The following KLHL1 variants were observed in gnomAD, a reference collection of about 807,000 sequenced individuals.
KLHL1 encodes kelch like family member 1.
A neutral mutation model predicts 77.7 loss-of-function variants in KLHL1; 47 were observed. The observed-to-expected ratio is 0.60, with a 90% CI of 0.48 to 0.77. KLHL1 has a LOEUF of 0.77. KLHL1 is among the 30% of genes least tolerant of loss of function. The probability of loss-of-function intolerance (pLI) is 0.00; values close to 1 mark genes in which losing one functional copy is unlikely to be tolerated. For missense variants in KLHL1, 925 were observed against 910.8 expected, an observed-to-expected ratio of 1.02 and a Z score of -0.20; for synonymous variants, 360 against 325.2, an observed-to-expected ratio of 1.11 and a Z score of -1.15.
chr13:69,927,718 C>G (rs1260288143), intron 4 of KLHL1, among the ~76,000 whole-genome samples: 1 of 152,088 alleles, frequency 6.6e-6, no homozygotes, highest in Non-Finnish European at 1.5e-5. Context: ...TTTACACATA[C>G]TAGGATGGCT....
At chr13:70,001,393 A>G (rs1437625838) in intron 1 of KLHL1, among the ~76,000 whole-genome samples, 1 of 151,264 alleles carries the variant, frequency 6.6e-6, no homozygotes, top group Admixed American at 6.6e-5. Context: ...TTTCCACCTC[A>G]TTATGAGCCT....
At chr13:69,751,767 G>T (rs1044553227) in intron 7 of KLHL1, among the ~76,000 whole-genome samples, 21 of 152,096 alleles carry the variant, frequency 1.4e-4, no homozygotes, top group Non-Finnish European at 2.9e-4. Flanking sequence ...TTCAAAAAAT[G>T]TCACACTGGC....
intron 5 of KLHL1, among the ~76,000 whole-genome samples, chr13:69,880,551 A>G (rs1880949316): frequency 6.6e-6 from 1 of 152,186 alleles, no homozygotes. Context: ...TACTTCACTA[A>G]GCAAGATAAA....
intron 6 of KLHL1, among the ~76,000 whole-genome samples, chr13:69,826,838 G>A (rs1217518211): frequency 1.3e-5 from 2 of 151,010 alleles, no homozygotes; most frequent in African/African-American, 2.5e-5. Flanking sequence ...TTTTATAAAC[G>A]AGTGTTTAGG....
intron 2 of KLHL1, 36 bp from the exon 3 acceptor site, chr13:69,961,480 TG>T (rs1884063833): frequency 6.2e-7 from 1 of 1,610,188 alleles, no homozygotes; most frequent in East Asian, 2.2e-5. Context: ...AGGTCGTGAA[TG>T]TAAGGCAGAA....
At chr13:69,767,254 C>CA (rs1387670671) in intron 7 of KLHL1, among the ~76,000 whole-genome samples, 5 of 151,476 alleles carry the variant, frequency 3.3e-5, no homozygotes, top group Admixed American at 6.6e-5. Flanking sequence ...TGTAAAAATT[C>CA]AAAAAAAATT....
chr13:70,072,751 T>C (rs1887165672), intron 1 of KLHL1, among the ~76,000 whole-genome samples: 1 of 152,078 alleles, frequency 6.6e-6, no homozygotes. Context: ...CATCTATTTA[T>C]GATAAAAGTG....
At chr13:69,713,468 G>T (rs1216385599) in intron 9 of KLHL1, among the ~76,000 whole-genome samples, 1 of 151,986 alleles carries the variant, frequency 6.6e-6, no homozygotes, top group Non-Finnish European at 1.5e-5. Context: ...AGTTTGGTGA[G>T]CATTTTTTAT....
At chr13:69,984,223 G>C (rs1164786857) in intron 1 of KLHL1, among the ~76,000 whole-genome samples, 1 of 152,066 alleles carries the variant, frequency 6.6e-6, no homozygotes, top group Non-Finnish European at 1.5e-5. Flanking sequence ...TCCTTGGTAA[G>C]GTTTCTCTTT....
At chr13:69,935,875 A>G (rs532032653) in intron 4 of KLHL1, among the ~76,000 whole-genome samples, 18 of 152,330 alleles carry the variant, frequency 1.2e-4, no homozygotes, top group African/African-American at 4.1e-4. Flanking sequence ...AATGTATTAC[A>G]AGATACTAGA....
chr13:69,927,862 G>A (rs2138276158), intron 4 of KLHL1, among the ~76,000 whole-genome samples: 1 of 152,238 alleles, frequency 6.6e-6, no homozygotes, highest in African/African-American at 2.4e-5. Flanking sequence ...TGGAGTTATT[G>A]TATAACCATA....
chr13:69,939,340 C>CAT (rs34074889), intron 4 of KLHL1, among the ~76,000 whole-genome samples: 2,608 of 60,530 alleles, frequency 0.043, 93 homozygotes, highest in East Asian at 0.12. Flanking sequence ...CATATACATA[C>CAT]ATATATATAT....
At chr13:69,998,826 G>T (rs1885218673) in intron 1 of KLHL1, among the ~76,000 whole-genome samples, 1 of 152,004 alleles carries the variant, frequency 6.6e-6, no homozygotes, top group Non-Finnish European at 1.5e-5. Flanking sequence ...AACTGCAAAA[G>T]AGTATGCACC....
chr13:70,090,540 C>T (rs1182939531), intron 1 of KLHL1, among the ~76,000 whole-genome samples: 2 of 151,754 alleles, frequency 1.3e-5, no homozygotes, highest in African/African-American at 4.8e-5. Context: ...TGCTCTTTCT[C>T]TTGCTTTCTT....
intron 4 of KLHL1, among the ~76,000 whole-genome samples, chr13:69,931,350 C>T (rs1039981847): frequency 1.3e-5 from 2 of 151,702 alleles, no homozygotes; most frequent in South Asian, 2.1e-4. Flanking sequence ...ACCTATTTTG[C>T]TAATTGTAAA....
At chr13:70,004,773 C>A (rs1012345895) in intron 1 of KLHL1, among the ~76,000 whole-genome samples, 19 of 151,774 alleles carry the variant, frequency 1.3e-4, no homozygotes, top group African/African-American at 4.6e-4. Context: ...AATTGAATGT[C>A]ATTCTGGGGT....
intron 3 of KLHL1, among the ~76,000 whole-genome samples, chr13:69,954,791 T>C (rs1043976540): frequency 8.2e-6 from 1 of 122,070 alleles, no homozygotes; most frequent in Non-Finnish European, 1.8e-5. Context: ...ACGATAGTAC[T>C]AAATGTTTTA....
chr13:69,786,634 A>T (rs556419110), intron 7 of KLHL1, among the ~76,000 whole-genome samples: 13 of 152,308 alleles, frequency 8.5e-5, no homozygotes, highest in African/African-American at 3.1e-4. Flanking sequence ...CCTATTCAAC[A>T]TACTGTTGGA....
At chr13:69,902,096 A>C (rs979740391) in intron 4 of KLHL1, among the ~76,000 whole-genome samples, 5 of 152,168 alleles carry the variant, frequency 3.3e-5, no homozygotes, top group Non-Finnish European at 7.4e-5. Flanking sequence ...CACCACGCCC[A>C]GCCCACAATG....
Sources: gnomAD v4.1 joint callset for allele counts (sites outside exome capture counted in the v4.1 genomes callset) on GRCh38, gnomAD v4.1.1 for gene constraint, MANE v1.5 for transcripts, NCBI Gene and HGNC (gene_info 2026-07-23, HGNC 2026-07-21) for gene names.